ERBB4: variants seen among roughly 807,000 people sequenced by gnomAD.
ERBB4 encodes erb-b2 receptor tyrosine kinase 4, also known as receptor tyrosine-protein kinase erbB-4.
ERBB4 carries 42 observed loss-of-function variants against 158.0 expected under a neutral mutation model. That is an observed-to-expected ratio of 0.27 (90% CI 0.21 to 0.34). The LOEUF (loss-of-function observed/expected upper bound fraction) is 0.34, where lower values mean the gene tolerates loss of function less well. Ranked by LOEUF, ERBB4 falls within the 10% of genes least tolerant of loss-of-function variation. The pLI, the probability that ERBB4 is intolerant of heterozygous loss-of-function variation, is 1.00. For synonymous variants in ERBB4, 583 were observed against 558.7 expected, an observed-to-expected ratio of 1.04 and a Z score of -0.61; for missense variants, 1,333 against 1,624.1, an observed-to-expected ratio of 0.82 and a Z score of 3.08.
rs2092288615 is a variant in ERBB4 at position 212,443,228 on chromosome 2, C to A, written c.82+95221G>T. Among the ~76,000 whole-genome samples, 4 of 152,194 alleles carry A rather than the reference C, an allele frequency of 2.6e-5. No homozygotes were observed. In the South Asian group the frequency reaches 8.3e-4, roughly 32 times the overall value. On this transcript the variant is annotated intron_variant, in intron 1 of 27. Transcript: ENST00000342788. ...TGTGTCATAATCTTATTCTGACAGA[C>A]CTTGATCACTTTTCATCTCCACAAG...
chr2:211,806,724 G>A (rs1352282548), intron 3 of ERBB4, among the ~76,000 whole-genome samples: 1 of 152,092 alleles, frequency 6.6e-6, no homozygotes, highest in Non-Finnish European at 1.5e-5. Context: ...AACATGTAGT[G>A]TAAGAAAATG....
At chr2:211,610,483 T>G (rs1050488549) in intron 19 of ERBB4, among the ~76,000 whole-genome samples, 1 of 152,190 alleles carries the variant, frequency 6.6e-6, no homozygotes, top group Non-Finnish European at 1.5e-5. Context: ...TTGCTTGTCC[T>G]TTGGGCAAAA....
intron 2 of ERBB4, among the ~76,000 whole-genome samples, chr2:212,005,140 T>C (rs1341260111): frequency 1.3e-5 from 2 of 152,144 alleles, no homozygotes; most frequent in Non-Finnish European, 2.9e-5. Flanking sequence ...TATATAGGTG[T>C]TTGAGTTCAA....
chr2:211,555,352 AT>A (rs1172826793), intron 20 of ERBB4, among the ~76,000 whole-genome samples: 1 of 152,060 alleles, frequency 6.6e-6, no homozygotes, highest in African/African-American at 2.4e-5. Context: ...TGCCCGGCTA[AT>A]TTTGTATTTT....
chr2:211,986,784 G>A (rs1166803524), intron 2 of ERBB4, among the ~76,000 whole-genome samples: 1 of 151,860 alleles, frequency 6.6e-6, no homozygotes, highest in East Asian at 1.9e-4. Context: ...ATATGATTTG[G>A]GGCTGTTTAA....
intron 19 of ERBB4, among the ~76,000 whole-genome samples, chr2:211,583,012 A>C (rs957485791): frequency 4.6e-5 from 7 of 152,104 alleles, no homozygotes; most frequent in African/African-American, 1.7e-4. Context: ...TGCATGTTTA[A>C]TATATTTTCT....
chr2:212,066,609 A>T (rs923595785), intron 2 of ERBB4, among the ~76,000 whole-genome samples: 1 of 152,068 alleles, frequency 6.6e-6, no homozygotes, highest in Non-Finnish European at 1.5e-5. Context: ...AATGCTATCC[A>T]TCATAATTGT....
chr2:211,676,812 T>C (rs2072094438), intron 13 of ERBB4, among the ~76,000 whole-genome samples: 1 of 98,608 alleles, frequency 1.0e-5, no homozygotes, highest in South Asian at 2.8e-4. Flanking sequence ...TCATTTTAAT[T>C]TATTAGTCTA....
At chr2:211,811,148 G>C (rs982366981) in intron 3 of ERBB4, among the ~76,000 whole-genome samples, 2 of 152,106 alleles carry the variant, frequency 1.3e-5, no homozygotes, top group African/African-American at 4.8e-5. Context: ...GCAGTGGCTC[G>C]TACTGGTTGT....
chr2:212,214,269 C>A (rs2083027351), intron 1 of ERBB4, among the ~76,000 whole-genome samples: 1 of 151,688 alleles, frequency 6.6e-6, no homozygotes, highest in South Asian at 2.1e-4. Flanking sequence ...CCAACAGGCA[C>A]CTGTGGCTCT....
intron 1 of ERBB4, among the ~76,000 whole-genome samples, chr2:212,138,639 G>A (rs2080348758): frequency 6.6e-6 from 1 of 151,982 alleles, no homozygotes; most frequent in African/African-American, 2.4e-5. Context: ...TTCAGTTATA[G>A]CAACAGAAAA....
intron 1 of ERBB4, among the ~76,000 whole-genome samples, chr2:212,436,906 A>G (rs2092149360): frequency 6.6e-6 from 1 of 152,004 alleles, no homozygotes; most frequent in Non-Finnish European, 1.5e-5. Flanking sequence ...GTTGGAGGCC[A>G]GGCAAACTAG....
At chr2:212,192,333 C>T (rs1275753810) in intron 1 of ERBB4, among the ~76,000 whole-genome samples, 1 of 151,292 alleles carries the variant, frequency 6.6e-6, no homozygotes, top group East Asian at 1.9e-4. Flanking sequence ...TTTTTAAATT[C>T]TTCATATTGA....
intron 15 of ERBB4, among the ~76,000 whole-genome samples, chr2:211,660,248 T>C (rs6719645): frequency 0.81 from 123,984 of 152,166 alleles, 51,546 homozygotes; most frequent in African/African-American, 0.94. Flanking sequence ...ATCTCCTAGC[T>C]CTGTGGATAC....
chr2:212,295,585 G>A (rs752805867), intron 1 of ERBB4, among the ~76,000 whole-genome samples: 13 of 152,050 alleles, frequency 8.5e-5, no homozygotes, highest in South Asian at 2.1e-4. Context: ...GGAAAGAACA[G>A]GGGTTTTAGA....
chr2:212,011,678 A>G (rs2076391133), intron 2 of ERBB4, among the ~76,000 whole-genome samples: 1 of 151,468 alleles, frequency 6.6e-6, no homozygotes, highest in Admixed American at 6.6e-5. Context: ...CGAACCCAGG[A>G]GGCAGAGGCT....
At chr2:211,461,413 C>T (rs2064527529) in intron 20 of ERBB4, among the ~76,000 whole-genome samples, 1 of 152,028 alleles carries the variant, frequency 6.6e-6, no homozygotes, top group East Asian at 1.9e-4. Flanking sequence ...GTTCTGTTTC[C>T]TTTCTAAGAA....
chr2:212,417,335 A>T (rs571996852), intron 1 of ERBB4, among the ~76,000 whole-genome samples: 38 of 152,210 alleles, frequency 2.5e-4, no homozygotes, highest in African/African-American at 8.4e-4. Context: ...TAAATTAACA[A>T]GAACTAAATA....
intron 2 of ERBB4, among the ~76,000 whole-genome samples, chr2:212,074,257 T>C (rs1365702196): frequency 2.0e-5 from 3 of 152,078 alleles, no homozygotes; most frequent in Non-Finnish European, 4.4e-5. Flanking sequence ...ATGCCAATTG[T>C]ATCCAGACAA....
Sources: gnomAD v4.1 joint callset for allele counts (sites outside exome capture counted in the v4.1 genomes callset) on GRCh38, gnomAD v4.1.1 for gene constraint, MANE v1.5 for transcripts, NCBI Gene and HGNC (gene_info 2026-07-23, HGNC 2026-07-21) for gene names.